COQ4: variants seen among roughly 807,000 people sequenced by gnomAD.
The protein encoded by COQ4 is coenzyme Q4.
Under a neutral mutation model 30.2 loss-of-function variants are expected in COQ4, and 36 were observed. That is an observed-to-expected ratio of 1.19 (90% confidence interval 0.91 to 1.57). The LOEUF (loss-of-function observed/expected upper bound fraction) is 1.57, where lower values mean the gene tolerates loss of function less well. Ranked by LOEUF, COQ4 falls within the 40% of genes most tolerant of loss-of-function variation. The pLI is 0.00. For synonymous variants in COQ4, 197 were observed against 161.0 expected, an observed-to-expected ratio of 1.22 and a Z score of -1.69; for missense variants, 369 against 371.9, an observed-to-expected ratio of 0.99 and a Z score of 0.07.
intron 2 of COQ4, 73 bp from the exon 3 acceptor site, chr9:128,325,070 C>T: frequency 2.9e-6 from 3 of 1,052,378 alleles, no homozygotes; most frequent in Non-Finnish European, 2.9e-6. Context: ...CTGTAGGAAA[C>T]AAAGGCTCAG....
intron 4 of COQ4, among the ~76,000 whole-genome samples, chr9:128,329,430 G>C (rs192257305): frequency 9.2e-5 from 14 of 152,116 alleles, no homozygotes; most frequent in Non-Finnish European, 1.2e-4. Flanking sequence ...AGGCTGGAGG[G>C]CAGTGGCACA....
chr9:128,326,277 G>T (rs1178706468), intron 4 of COQ4: 10 of 342,756 alleles, frequency 2.9e-5, no homozygotes, highest in Non-Finnish European at 5.3e-6. Flanking sequence ...CCCAGATCAT[G>T]CTCTTCACTG....
intron 5 of COQ4, chr9:128,332,533 C>T: frequency 1.7e-6 from 1 of 587,610 alleles, no homozygotes; most frequent in Non-Finnish European, 3.0e-6. Context: ...TTAGCTGCCT[C>T]CCTGCTCTGA....
At chr9:128,323,804 G>A (rs1033536506) in intron 2 of COQ4, among the ~76,000 whole-genome samples, 8 of 152,156 alleles carry the variant, frequency 5.3e-5, no homozygotes, top group Non-Finnish European at 1.2e-4. Flanking sequence ...AAAAATACAA[G>A]AATTAATTGG....
intron 2 of COQ4, 32 bp downstream of exon 2, chr9:128,323,179 G>T (rs1409051178): frequency 1.3e-6 from 2 of 1,546,800 alleles, no homozygotes; most frequent in Non-Finnish European, 1.7e-6. Context: ...CCCCGTGGGG[G>T]CGGCTTGGAG....
At chr9:128,324,217 G>A (rs1832277506) in intron 2 of COQ4, among the ~76,000 whole-genome samples, 1 of 152,042 alleles carries the variant, frequency 6.6e-6, no homozygotes, top group Admixed American at 6.6e-5. Flanking sequence ...GACTTCAGGT[G>A]ATCCTCCCAC....
intron 4 of COQ4, among the ~76,000 whole-genome samples, chr9:128,330,243 C>T (rs1437391155): frequency 2.0e-5 from 3 of 150,832 alleles, no homozygotes; most frequent in South Asian, 2.1e-4. Flanking sequence ...TGTAGTGGCA[C>T]GTGCCTGTAA....
rs937992640 is a variant in COQ4, at chr9:128,333,914, C to T, written c.*269C>T. 1.1e-5 allele frequency: 3 copies of T among 282,946 alleles called. No individual in the cohort carries two copies. The highest frequency in any genetic ancestry group is 1.2e-4 in the East Asian group (2 of 16,258). 17.5% of individuals were successfully genotyped at this position (282,946 alleles called of 1,614,324 possible). ...GTCGTCTGGGCTCATGCTGGGATGT[C>T]GCAGTGCTCCTGTTGCAACTCCTCC... On this transcript the variant is annotated 3_prime_UTR_variant, in exon 7 of 7. Transcript: ENST00000300452.
intron 5 of COQ4, 136 bp downstream of exon 5, chr9:128,332,418 C>A: frequency 1.1e-6 from 1 of 919,244 alleles, no homozygotes; most frequent in Non-Finnish European, 1.6e-6. Flanking sequence ...ATCTTAGTAG[C>A]ATCTTTGCCA....
intron 4 of COQ4, chr9:128,326,179 T>A: frequency 1.8e-6 from 1 of 555,594 alleles, no homozygotes; most frequent in Non-Finnish European, 3.2e-6. Context: ...TATTATCCTC[T>A]TTTAGCAGAT....
intron 4 of COQ4, chr9:128,331,325 A>C (rs1351308776): frequency 6.6e-6 from 1 of 151,862 alleles, no homozygotes. Context: ...ATCAAGGTAC[A>C]GTTATTTTGA....
intron 2 of COQ4, among the ~76,000 whole-genome samples, chr9:128,324,902 CT>C (rs1564390429): frequency 6.6e-6 from 1 of 152,138 alleles, no homozygotes; most frequent in Non-Finnish European, 1.5e-5. Flanking sequence ...TTTATAAAAT[CT>C]TTACAACGTT....
At chr9:128,323,441 C>T in intron 2 of COQ4, 1 of 503,756 alleles carries the variant, frequency 2.0e-6, no homozygotes, top group Non-Finnish European at 3.4e-6. Flanking sequence ...TCATAAGTAC[C>T]GATCAGTTTA....
At chr9:128,325,075 G>T (rs1478405731) in intron 2 of COQ4, 68 bp from the exon 3 acceptor site, 1 of 1,102,858 alleles carries the variant, frequency 9.1e-7, no homozygotes, top group Non-Finnish European at 1.4e-6. Flanking sequence ...GGAAACAAAG[G>T]CTCAGACCAG....
intron 2 of COQ4, chr9:128,323,507 A>C: frequency 2.2e-6 from 1 of 446,786 alleles, no homozygotes; most frequent in Non-Finnish European, 3.9e-6. Context: ...GCCTCGTTCC[A>C]CTGCATCTGC....
At chr9:128,328,337 C>T (rs979048541) in intron 4 of COQ4, among the ~76,000 whole-genome samples, 3 of 152,224 alleles carry the variant, frequency 2.0e-5, no homozygotes, top group Non-Finnish European at 2.9e-5. Flanking sequence ...TCCCTCCCTC[C>T]TGCAACACAG....
intron 2 of COQ4, 82 bp downstream of exon 2, chr9:128,323,229 G>A: frequency 1.4e-6 from 2 of 1,389,190 alleles, no homozygotes; most frequent in South Asian, 1.4e-5. Context: ...CTAGGTCGGG[G>A]TACCCAAACC....
At chr9:128,323,346 G>C (rs1832250020) in intron 2 of COQ4, 199 bp downstream of exon 2, 1 of 590,838 alleles carries the variant, frequency 1.7e-6, no homozygotes, top group Non-Finnish European at 2.9e-6. Context: ...GGAGAAATGG[G>C]CGTGAAACCG....
intron 4 of COQ4, among the ~76,000 whole-genome samples, chr9:128,326,637 G>A (rs1832326459): frequency 6.6e-6 from 1 of 151,856 alleles, no homozygotes; most frequent in Non-Finnish European, 1.5e-5. Flanking sequence ...TAGAGACGGG[G>A]TTTCACCGTG....
Sources: gnomAD v4.1 joint callset for allele counts (sites outside exome capture counted in the v4.1 genomes callset) on GRCh38, gnomAD v4.1.1 for gene constraint, MANE v1.5 for transcripts, NCBI Gene and HGNC (gene_info 2026-07-23, HGNC 2026-07-21) for gene names.